Variants in AGO3 observed in about 807,000 individuals in gnomAD.
AGO3 encodes the protein argonaute RISC catalytic component 3.
A neutral mutation model predicts 105.5 loss-of-function variants in AGO3; 16 were observed. The ratio of observed to expected loss-of-function variants is 0.15; its 90% CI spans 0.10 to 0.23. The LOEUF is 0.23. AGO3 is among the 10% of genes least tolerant of loss of function. The pLI, the probability that AGO3 is intolerant of heterozygous loss-of-function variation, is 1.00. For synonymous variants in AGO3, 340 were observed against 367.3 expected, an observed-to-expected ratio of 0.93 and a Z score of 0.85; for missense variants, 534 against 1,088.0, an observed-to-expected ratio of 0.49 and a Z score of 7.16.
chr1:35,994,736 G>A (rs1375981899), intron 5 of AGO3, among the ~76,000 whole-genome samples: 1 of 151,786 alleles, frequency 6.6e-6, no homozygotes, highest in Non-Finnish European at 1.5e-5. Context: ...CAATTGAAAT[G>A]AAAAAAAATT....
chr1:35,976,813 C>T (rs953633896), intron 5 of AGO3, among the ~76,000 whole-genome samples: 1 of 152,132 alleles, frequency 6.6e-6, no homozygotes, highest in Non-Finnish European at 1.5e-5. Flanking sequence ...ATGCAGAAGT[C>T]ATATTAATCT....
At chr1:36,037,279 G>A (rs1642052602) in intron 14 of AGO3, among the ~76,000 whole-genome samples, 2 of 152,256 alleles carry the variant, frequency 1.3e-5, no homozygotes, top group South Asian at 4.1e-4. Flanking sequence ...CAGCACTTTG[G>A]GAGGCTGAGG....
chr1:36,040,541 A>G (rs1642200047), intron 16 of AGO3, 100 bp downstream of exon 16: 12 of 1,312,632 alleles, frequency 9.1e-6, no homozygotes, highest in Non-Finnish European at 1.2e-5. Context: ...AGGATTTCCA[A>G]TATATAGTAG....
chr1:35,973,852 G>T (rs1202444526), intron 5 of AGO3, among the ~76,000 whole-genome samples: 1 of 152,000 alleles, frequency 6.6e-6, no homozygotes, highest in Non-Finnish European at 1.5e-5. Flanking sequence ...AATTCTGTTG[G>T]GCATGGTGAC....
At chr1:35,930,920 G>A (rs951937706), upstream of AGO3, 11 of 275,172 alleles carry the variant, frequency 4.0e-5, no homozygotes, top group Non-Finnish European at 7.4e-5. Context: ...GGCACGGCCC[G>A]GCGGGGTACG....
chr1:36,003,709 A>AAAAAAAAAAAAAATAT (rs1295618675), intron 5 of AGO3, among the ~76,000 whole-genome samples: 3 of 99,446 alleles, frequency 3.0e-5, no homozygotes, highest in Non-Finnish European at 1.9e-5. Context: ...AAAAAAAAAA[A>AAAAAAAAAAAAAATAT]ATATATATAT....
chr1:36,031,720 C>T (rs952768405), intron 12 of AGO3, among the ~76,000 whole-genome samples: 14 of 152,132 alleles, frequency 9.2e-5, no homozygotes, highest in African/African-American at 3.4e-4. Flanking sequence ...CCCTGGAAAG[C>T]ACTGTTCTAC....
chr1:36,033,897 G>A (rs1641894941), intron 12 of AGO3, among the ~76,000 whole-genome samples: 1 of 152,144 alleles, frequency 6.6e-6, no homozygotes, highest in Non-Finnish European at 1.5e-5. Context: ...TTCACTTTAT[G>A]CTTTTCAGTT....
rs140115844 is a variant in AGO3, at chr1:36,056,452, A to G, written c.*707A>G. On this transcript the variant is annotated 3_prime_UTR_variant, in exon 19 of 19. Coordinates refer to ENST00000373191, the MANE Select transcript of AGO3 (RefSeq NM_024852.4). ...TATCTGGTTCGTTTGAATATAAAAT[A>G]TGGCAAACTAGAATTCTACTTTTAT... 2.6e-5 allele frequency: 4 copies of G among 152,276 alleles called. No individual in the cohort carries two copies. The East Asian group carries it at 7.7e-4, about 29-fold the overall frequency. 9.4% of individuals were successfully genotyped at this position (152,276 alleles called of 1,614,324 possible).
intron 3 of AGO3, 122 bp from the exon 4 acceptor site, chr1:35,971,902 T>G: frequency 1.1e-6 from 1 of 871,312 alleles, no homozygotes; most frequent in Non-Finnish European, 1.8e-6. Context: ...AAAAATGGTA[T>G]ATTTTAGTCT....
chr1:35,991,535 T>TAA (rs556809379), intron 5 of AGO3, among the ~76,000 whole-genome samples: 7 of 145,758 alleles, frequency 4.8e-5, no homozygotes, highest in Middle Eastern at 3.6e-3. Context: ...GGAGCAAATT[T>TAA]TATATATATA....
intron 17 of AGO3, among the ~76,000 whole-genome samples, chr1:36,051,734 TCAAA>T (rs962604981): frequency 1.1e-4 from 16 of 151,970 alleles, no homozygotes; most frequent in Non-Finnish European, 1.9e-4. Flanking sequence ...TCCAAAGAAC[TCAAA>T]CAACTCAACA....
chr1:35,962,902 A>G (rs531463784), intron 2 of AGO3, among the ~76,000 whole-genome samples: 1 of 152,354 alleles, frequency 6.6e-6, no homozygotes, highest in South Asian at 2.1e-4. Flanking sequence ...TAATTTGATG[A>G]TGTTCTCAAA....
rs1423407661 is a variant in AGO3, at chr1:36,014,179, G to A, written c.1406+131G>A. On this transcript the variant is annotated intron_variant, in intron 11 of 18. Transcript: ENST00000373191. ...CACTGAACCATTTTTTTTTTTTTGAGACAGAGTCTCACTCTGTCACCCAGG... is the reference window on the plus strand; with the variant it reads ...CACTGAACCATTTTTTTTTTTTTGAAACAGAGTCTCACTCTGTCACCCAGG... 5 of 1,174,724 alleles carry A rather than the reference G, an allele frequency of 4.3e-6. No individual in the cohort carries two copies. The South Asian group carries it at 7.4e-5, about 17-fold the overall frequency. 72.8% of individuals were successfully genotyped at this position (1,174,724 alleles called of 1,614,324 possible).
chr1:35,984,982 A>G (rs955076470), intron 5 of AGO3, among the ~76,000 whole-genome samples: 6 of 152,184 alleles, frequency 3.9e-5, no homozygotes, highest in Non-Finnish European at 7.3e-5. Context: ...TAATCTATAA[A>G]TATAGTTTTA....
chr1:35,963,999 TGTTA>T (rs1319231565), intron 2 of AGO3, among the ~76,000 whole-genome samples: 1 of 152,154 alleles, frequency 6.6e-6, no homozygotes, highest in East Asian at 1.9e-4. Flanking sequence ...AGTTATTCAC[TGTTA>T]GAGCATTTAT....
chr1:35,965,350 C>T (rs981458428), intron 2 of AGO3, among the ~76,000 whole-genome samples: 4 of 151,530 alleles, frequency 2.6e-5, no homozygotes, highest in South Asian at 4.2e-4. Context: ...CTTAGCTGGA[C>T]GTGATGGTGC....
chr1:35,996,369 A>G (rs1639810622), intron 5 of AGO3, among the ~76,000 whole-genome samples: 1 of 152,074 alleles, frequency 6.6e-6, no homozygotes, highest in South Asian at 2.1e-4. Context: ...GAGAAAACAC[A>G]TTTGCAAAAC....
chr1:35,999,215 G>A (rs940810793), intron 5 of AGO3, among the ~76,000 whole-genome samples: 9 of 151,934 alleles, frequency 5.9e-5, no homozygotes, highest in Admixed American at 6.6e-5. Context: ...TTAGCTGAGC[G>A]TGTAATCCCA....
Sources: gnomAD v4.1 joint callset for allele counts (sites outside exome capture counted in the v4.1 genomes callset) on GRCh38, gnomAD v4.1.1 for gene constraint, MANE v1.5 for transcripts, NCBI Gene and HGNC (gene_info 2026-07-23, HGNC 2026-07-21) for gene names.